EIF4E: variants seen among roughly 807,000 people sequenced by gnomAD.
EIF4E encodes eIF-4F 25 kDa subunit.
For synonymous variants in EIF4E, 71 were observed against 88.5 expected (o/e 0.80, Z 1.11); for missense variants, 113 against 265.6 (o/e 0.43, Z 3.99).
chr4:98,916,770 T>C (rs779757283), intron 1 of EIF4E, among the ~76,000 whole-genome samples: 5 of 152,132 alleles, frequency 3.3e-5, no homozygotes, highest in Non-Finnish European at 5.9e-5. Flanking sequence ...ACACTTAATA[T>C]TCAAGGCCTC....
intron 2 of EIF4E, among the ~76,000 whole-genome samples, chr4:98,891,971 G>A (rs1346896485): frequency 6.6e-6 from 1 of 152,134 alleles, no homozygotes; most frequent in African/African-American, 2.4e-5. Flanking sequence ...ATCACTCAAC[G>A]GAATTCACAG....
chr4:98,886,800 G>C (rs1723939426), intron 5 of EIF4E: 1 of 406,332 alleles, frequency 2.5e-6, no homozygotes, highest in Non-Finnish European at 4.6e-6. Flanking sequence ...CAAAATGTAA[G>C]GTTCTATAAT....
chr4:98,901,785 A>C, intron 2 of EIF4E, 91 bp downstream of exon 2: 1 of 1,163,428 alleles, frequency 8.6e-7, no homozygotes, highest in Non-Finnish European at 1.3e-6. Context: ...ATCTAAAACT[A>C]GTCTCATAAT....
At chr4:98,894,674 C>A (rs1394389614) in intron 2 of EIF4E, among the ~76,000 whole-genome samples, 2 of 152,216 alleles carry the variant, frequency 1.3e-5, no homozygotes, top group African/African-American at 4.8e-5. Flanking sequence ...ACCCAGACCA[C>A]TTGAACTTAC....
chr4:98,881,985 C>G (rs1325436934), intron 6 of EIF4E, among the ~76,000 whole-genome samples: 3 of 152,074 alleles, frequency 2.0e-5, no homozygotes, highest in Admixed American at 6.6e-5. Context: ...CATTTGAAAG[C>G]TGAGAAATAA....
intron 1 of EIF4E, among the ~76,000 whole-genome samples, chr4:98,907,547 A>C (rs958042858): frequency 1.3e-5 from 2 of 152,210 alleles, no homozygotes; most frequent in African/African-American, 4.8e-5. Context: ...GTCTGTATAT[A>C]TCAGGCTCTG....
At chr4:98,886,562 A>C in intron 5 of EIF4E, 1 of 410,502 alleles carries the variant, frequency 2.4e-6, no homozygotes, top group South Asian at 1.8e-5. Context: ...AAAAAATTAG[A>C]AAATTAGCTG....
chr4:98,905,772 C>A (rs1724847307), intron 1 of EIF4E, among the ~76,000 whole-genome samples: 1 of 151,978 alleles, frequency 6.6e-6, no homozygotes, highest in Admixed American at 6.6e-5. Context: ...ACTGTCATAG[C>A]AACAAGAGAA....
intron 3 of EIF4E, among the ~76,000 whole-genome samples, 155 bp downstream of exon 3, chr4:98,891,082 A>G (rs1724124098): frequency 6.6e-6 from 1 of 152,232 alleles, no homozygotes; most frequent in Admixed American, 6.5e-5. Flanking sequence ...CTAATAAAGC[A>G]TAATCACCAA....
chr4:98,894,524 A>G (rs898452427), intron 2 of EIF4E, among the ~76,000 whole-genome samples: 1 of 152,144 alleles, frequency 6.6e-6, no homozygotes, highest in Non-Finnish European at 1.5e-5. Context: ...CTTATACCTT[A>G]TAACTGACCT....
At chr4:98,919,259 C>T (rs896242344) in intron 1 of EIF4E, among the ~76,000 whole-genome samples, 7 of 150,598 alleles carry the variant, frequency 4.6e-5, no homozygotes, top group African/African-American at 1.2e-4. Flanking sequence ...GACCCGAGAT[C>T]GTGCCACTGC....
intron 3 of EIF4E, among the ~76,000 whole-genome samples, chr4:98,889,496 T>TA (rs1436644525): frequency 6.6e-6 from 1 of 152,200 alleles, no homozygotes; most frequent in Non-Finnish European, 1.5e-5. Flanking sequence ...TGAGAATTTA[T>TA]AATGGCACAT....
chr4:98,891,417 A>T, intron 2 of EIF4E, 85 bp from the exon 3 acceptor site: 1 of 1,171,110 alleles, frequency 8.5e-7, no homozygotes, highest in Non-Finnish European at 1.2e-6. Flanking sequence ...AAAAGGTAGA[A>T]GCAACCCACC....
intron 1 of EIF4E, among the ~76,000 whole-genome samples, chr4:98,922,442 G>C (rs1192704918): frequency 6.6e-6 from 1 of 151,866 alleles, no homozygotes; most frequent in East Asian, 1.9e-4. Flanking sequence ...TGTAGTCCCA[G>C]CTACTCAGGA....
At position 98,881,161 on chromosome 4, in the gene EIF4E, G is replaced by GA; in HGVS notation, c.540-20dup. 1 of 1,554,604 alleles carries GA rather than the reference G, an allele frequency of 6.4e-7. No individual in the cohort carries two copies. The highest frequency in any genetic ancestry group is 1.1e-5 in the South Asian group (1 of 87,198). On this transcript the variant is annotated intron_variant, in intron 6 of 6. Transcript: ENST00000450253. ...TACCCTCCTAGAAGAAAAAAAAAAA[G>GA]AAGAAGAAAAAAGTAGTCATTAACT...
chr4:98,928,992 G>C (rs777597381), intron 1 of EIF4E, 103 bp downstream of exon 1: 2 of 1,571,344 alleles, frequency 1.3e-6, no homozygotes, highest in Non-Finnish European at 1.7e-6. Context: ...GGGGCGGCAA[G>C]GGGTACAGTG....
chr4:98,923,551 A>G (rs755604547), intron 1 of EIF4E, among the ~76,000 whole-genome samples: 6 of 152,068 alleles, frequency 3.9e-5, no homozygotes, highest in Non-Finnish European at 7.4e-5. Context: ...GGCTCAAGTG[A>G]TCCTCCTGCC....
At chr4:98,908,321 C>T (rs915646284) in intron 1 of EIF4E, among the ~76,000 whole-genome samples, 4 of 152,278 alleles carry the variant, frequency 2.6e-5, no homozygotes, top group East Asian at 1.9e-4. Flanking sequence ...CCTGATGACA[C>T]AAAAATATAA....
rs574969402 is a variant in EIF4E, at chr4:98,892,770, G to C, written c.126-1438C>G. Among the ~76,000 whole-genome samples, 13 of 152,090 alleles carry C rather than the reference G, an allele frequency of 8.5e-5. No individual in the cohort carries two copies. The South Asian group carries it at 2.5e-3, about 29-fold the overall frequency. ...TAGCCAAGAAGAAATGAGAGTGCCA[G>C]GAGTGGGGAAACTATTAAATGTGAT... On this transcript the variant is annotated intron_variant, in intron 2 of 6. Transcript: ENST00000450253.
Sources: gnomAD v4.1 joint callset for allele counts (sites outside exome capture counted in the v4.1 genomes callset) on GRCh38, gnomAD v4.1.1 for gene constraint, MANE v1.5 for transcripts, NCBI Gene and HGNC (gene_info 2026-07-23, HGNC 2026-07-21) for gene names.